PTPRG: variants seen among roughly 807,000 people sequenced by gnomAD.
The protein encoded by PTPRG is protein tyrosine phosphatase receptor type G, also known as receptor-type tyrosine-protein phosphatase gamma.
In PTPRG, 102 loss-of-function variants were observed where a neutral mutation model predicts 165.3. The ratio of observed to expected loss-of-function variants is 0.62; its 90% CI spans 0.53 to 0.73. The LOEUF (loss-of-function observed/expected upper bound fraction) is 0.73. PTPRG is among the 30% of genes least tolerant of loss of function. PTPRG has a pLI of 0.00. For missense variants in PTPRG, 1,866 were observed against 1,861.4 expected (o/e 1.00, Z -0.05); for synonymous variants, 675 against 669.5 (o/e 1.01, Z -0.13).
intron 4 of PTPRG, among the ~76,000 whole-genome samples, chr3:62,068,962 A>G (rs1247160834): frequency 6.6e-6 from 1 of 152,244 alleles, no homozygotes; most frequent in African/African-American, 2.4e-5. Flanking sequence ...CTTGCCTGCA[A>G]AGATACCCGC....
intron 2 of PTPRG, among the ~76,000 whole-genome samples, chr3:61,828,357 G>A (rs1041077268): frequency 2.0e-5 from 3 of 152,190 alleles, no homozygotes; most frequent in Admixed American, 6.5e-5. Flanking sequence ...CGACACATGT[G>A]TTGCACAACT....
intron 8 of PTPRG, among the ~76,000 whole-genome samples, chr3:62,172,982 G>A (rs1354231064): frequency 6.6e-6 from 1 of 152,150 alleles, no homozygotes; most frequent in South Asian, 2.1e-4. Flanking sequence ...TTTTGGCTTT[G>A]TTGGCCATAT....
At chr3:62,017,252 T>C (rs998226928) in intron 4 of PTPRG, among the ~76,000 whole-genome samples, 3 of 152,180 alleles carry the variant, frequency 2.0e-5, no homozygotes, top group Non-Finnish European at 4.4e-5. Context: ...TGAAAACTTT[T>C]AATTCTTCAT....
intron 5 of PTPRG, among the ~76,000 whole-genome samples, chr3:62,092,870 A>G (rs34212624): frequency 0.16 from 24,188 of 152,172 alleles, 2,149 homozygotes; most frequent in South Asian, 0.28. Flanking sequence ...ACAGTTGTGC[A>G]GTGGGAAGGG....
intron 1 of PTPRG, among the ~76,000 whole-genome samples, chr3:61,582,697 G>T (rs1270230285): frequency 6.6e-6 from 1 of 152,222 alleles, no homozygotes; most frequent in Non-Finnish European, 1.5e-5. Context: ...ATACAGAAAT[G>T]AATGCCTGAG....
intron 1 of PTPRG, among the ~76,000 whole-genome samples, chr3:61,684,546 C>A (rs1703559075): frequency 6.6e-6 from 1 of 152,180 alleles, no homozygotes; most frequent in South Asian, 2.1e-4. Flanking sequence ...GTCTTAACAT[C>A]TGACAGGAGC....
chr3:62,137,544 G>T (rs987483819), intron 6 of PTPRG, among the ~76,000 whole-genome samples: 2 of 152,154 alleles, frequency 1.3e-5, no homozygotes, highest in African/African-American at 4.8e-5. Context: ...GGCTGCAGGT[G>T]TTGCAGGTTT....
intron 2 of PTPRG, among the ~76,000 whole-genome samples, chr3:61,957,324 T>C (rs2040054905): frequency 6.6e-6 from 1 of 152,274 alleles, no homozygotes; most frequent in South Asian, 2.1e-4. Flanking sequence ...ATAAATTATT[T>C]TGAAATATTT....
At chr3:62,249,445 C>T (rs573410723) in intron 15 of PTPRG, among the ~76,000 whole-genome samples, 1 of 152,130 alleles carries the variant, frequency 6.6e-6, no homozygotes, top group African/African-American at 2.4e-5. Flanking sequence ...CTGATTTGAC[C>T]CAAGTACTAT....
chr3:61,642,934 C>T (rs976149190), intron 1 of PTPRG, among the ~76,000 whole-genome samples: 3 of 152,126 alleles, frequency 2.0e-5, no homozygotes, highest in Admixed American at 6.5e-5. Context: ...AATACTTTAC[C>T]TCCAAGGAAG....
intron 1 of PTPRG, among the ~76,000 whole-genome samples, chr3:61,699,878 C>T (rs2030854588): frequency 6.6e-6 from 1 of 152,188 alleles, no homozygotes; most frequent in African/African-American, 2.4e-5. Context: ...TGAAAAGCTT[C>T]AAGATAATAA....
chr3:61,738,127 T>C (rs985820509), intron 1 of PTPRG, among the ~76,000 whole-genome samples: 10 of 149,560 alleles, frequency 6.7e-5, no homozygotes, highest in African/African-American at 2.4e-4. Flanking sequence ...CTCGATCTCC[T>C]GACCTCGTGA....
intron 1 of PTPRG, among the ~76,000 whole-genome samples, chr3:61,639,200 T>G (rs1701998159): frequency 6.6e-6 from 1 of 152,182 alleles, no homozygotes; most frequent in Non-Finnish European, 1.5e-5. Flanking sequence ...TGGACTTTGT[T>G]GAAGATCAGA....
chr3:62,293,169 C>G lies in PTPRG; in HGVS notation c.4200C>G (p.Tyr1400Ter). ...TTCCTCTTGTTTTTCAGGAACAATA[C>G]CAGTTCATCTATAAAGCAATGCTTA... ...RPGVFTDIEQ[Y>*]QFIYKAMLSL... The change falls in exon 30 of 30, where the codon TAC becomes TAG. Residue 1400 changes from tyrosine (Y) to a stop codon, truncating the protein, a stop_gained. Coordinates refer to ENST00000474889, the MANE Select transcript of PTPRG (RefSeq NM_002841.4). LOFTEE classifies it high-confidence loss of function. The G allele has an allele frequency of 6.3e-7, 1 of 1,588,790 alleles. No homozygotes were observed. Among genetic ancestry groups the G allele is most frequent in the Non-Finnish European group, 8.5e-7 (1 of 1,171,062 alleles).
At chr3:61,969,922 C>G (rs9833642) in intron 2 of PTPRG, among the ~76,000 whole-genome samples, 36,567 of 152,030 alleles carry the variant, frequency 0.24, 5,026 homozygotes, top group African/African-American at 0.37. Flanking sequence ...GGAAGTACAA[C>G]TTAATATGAA....
chr3:62,151,061 G>T (rs1400100831), intron 6 of PTPRG, among the ~76,000 whole-genome samples: 2 of 152,066 alleles, frequency 1.3e-5, no homozygotes, highest in Non-Finnish European at 2.9e-5. Context: ...ATGTTTTAAT[G>T]ATCACATTTT....
rs372897481 is a variant in PTPRG at position 62,097,078 on chromosome 3, C to G, written c.615+18820C>G. Among the ~76,000 whole-genome samples, 25 of 146,666 alleles carry G rather than the reference C, an allele frequency of 1.7e-4. No homozygotes were observed. The South Asian group carries it at 5.4e-3, about 32-fold the overall frequency. On this transcript the variant is annotated intron_variant, in intron 5 of 29. Coordinates refer to ENST00000474889, the MANE Select transcript of PTPRG (RefSeq NM_002841.4). ...CCCACTGTCAGAAACACAAAGACAC[C>G]CCCAGCCAGCCATTACTATTATCAC...
chr3:61,622,970 G>A (rs533811574), intron 1 of PTPRG, among the ~76,000 whole-genome samples: 12 of 152,218 alleles, frequency 7.9e-5, no homozygotes, highest in African/African-American at 2.2e-4. Flanking sequence ...TCCTGTTCTA[G>A]AATTTCAGGC....
Position 62,088,986 on chromosome 3 carries a change from C to A in PTPRG, c.615+10728C>A, listed in dbSNP as rs537747621. Among the ~76,000 whole-genome samples the A allele has an allele frequency of 9.2e-5, 14 of 152,340 alleles. No individual in the cohort carries two copies. In the South Asian group the frequency reaches 2.9e-3, roughly 32 times the overall value. ...ATCTTTAACTGTATGCATACAGATG[C>A]TACTCACCTGTGCCCATTTGAGAAG... On this transcript the variant is annotated intron_variant, in intron 5 of 29. Coordinates refer to ENST00000474889, the MANE Select transcript of PTPRG (RefSeq NM_002841.4).
Sources: allele counts gnomAD v4.1 joint callset (sites outside exome capture counted in the v4.1 genomes callset), GRCh38; gene constraint gnomAD v4.1.1; transcripts MANE v1.5; gene names NCBI Gene and HGNC (gene_info 2026-07-23, HGNC 2026-07-21).